Variants in NF1 observed in about 807,000 individuals in gnomAD.
NF1 encodes the protein neurofibromin.
In NF1, 122 loss-of-function variants were observed where a neutral mutation model predicts 325.7. The ratio of observed to expected loss-of-function variants is 0.37; its 90% CI spans 0.32 to 0.44. The LOEUF (loss-of-function observed/expected upper bound fraction) is 0.44. Among genes scored for constraint, NF1 ranks in the 20% least tolerant of loss-of-function variants. NF1 has a pLI of 1.00. For synonymous variants in NF1, 1,091 were observed against 1,186.0 expected (o/e 0.92, Z 1.65); for missense variants, 2,140 against 3,415.4 (o/e 0.63, Z 9.31).
chr17:31,343,059 C>A lies in NF1; in HGVS notation c.7113C>A (p.Cys2371Ter), dbSNP rs2069867490. ...TCCGGAATCCTCTGGAGTGGCACTG[C>A]AAGCAAATGGATCATTTTGTTGGAC... ...MAIRNPLEWH[C>*]KQMDHFVGLN... Residue 2371 changes from cysteine (C) to a stop codon, truncating the protein, a stop_gained, in exon 48 of 58, where the codon TGC (cysteine) becomes TGA (stop). Coordinates refer to ENST00000358273, the MANE Select transcript of NF1 (RefSeq NM_001042492.3). LOFTEE classifies it high-confidence loss of function. The A allele has an allele frequency of 6.2e-7, 1 of 1,614,028 alleles. No homozygotes were observed. Among genetic ancestry groups the A allele is most frequent in the Non-Finnish European group, 8.5e-7 (1 of 1,179,938 alleles).
At position 31,260,477 on chromosome 17, in the gene NF1, C is replaced by T; in HGVS notation, c.4539C>T (p.Asn1513=). 1 of 1,613,988 alleles carries T rather than the reference C, an allele frequency of 6.2e-7. No individual in the cohort carries two copies. Among genetic ancestry groups the T allele is most frequent in the South Asian group, 1.1e-5 (1 of 91,088 alleles). The change falls in exon 34 of 58, where the codon AAC becomes AAT. Residue 1513 remains asparagine (N), a synonymous_variant. Coordinates refer to ENST00000358273, the MANE Select transcript of NF1 (RefSeq NM_001042492.3). The part of the protein sequence containing the change: ...NVLALHRLLW[N]NQEKIGQYLS... ...TTGCTTTACATCGTCTACTCTGGAA[C>T]AATCAGGAGAAAATTGGGCAGTATC...
At chr17:31,270,181 A>G (rs1055496071) in intron 36 of NF1, among the ~76,000 whole-genome samples, 1 of 152,234 alleles carries the variant, frequency 6.6e-6, no homozygotes, top group East Asian at 1.9e-4. Context: ...ATACATATTA[A>G]CTGTTCACAT....
At chr17:31,137,415 AT>A (rs928919385) in intron 1 of NF1, 9 of 151,866 alleles carry the variant, frequency 5.9e-5, no homozygotes, top group Admixed American at 2.0e-4. Context: ...ATTTAGCCTC[AT>A]TTTTTTCATT....
At chr17:31,338,856 A>G (rs2069748934) in intron 46 of NF1, 51 bp downstream of exon 46, 2 of 1,141,556 alleles carry the variant, frequency 1.8e-6, no homozygotes, top group Non-Finnish European at 2.7e-6. Flanking sequence ...TCAGTGTTGA[A>G]TGTTACTTTC....
intron 5 of NF1, among the ~76,000 whole-genome samples, chr17:31,177,580 A>G (rs2953002): frequency 0.57 from 86,467 of 151,576 alleles, 27,031 homozygotes; most frequent in Middle Eastern, 0.77. Context: ...CCAAGCTAAA[A>G]GAGCATGTTC....
At chr17:31,186,462 G>T (rs759301600) in intron 8 of NF1, among the ~76,000 whole-genome samples, 2 of 152,172 alleles carry the variant, frequency 1.3e-5, no homozygotes, top group South Asian at 2.1e-4. Context: ...TGTACTTTGC[G>T]TGGAAGGAGA....
chr17:31,159,153 T>C (rs2065719806), intron 3 of NF1, 60 bp downstream of exon 3: 2 of 1,151,648 alleles, frequency 1.7e-6, no homozygotes, highest in Admixed American at 1.7e-5. Flanking sequence ...AATGATCTTA[T>C]GTCCCAAAGT....
intron 14 of NF1, 99 bp downstream of exon 14, chr17:31,219,217 A>T: frequency 7.9e-7 from 1 of 1,260,236 alleles, no homozygotes; most frequent in Non-Finnish European, 1.1e-6. Context: ...TAACAGGTAG[A>T]TGTCATTTCT....
chr17:31,337,695 T>A, intron 43 of NF1, 113 bp downstream of exon 43: 1 of 1,398,066 alleles, frequency 7.2e-7, no homozygotes, highest in Non-Finnish European at 1.0e-6. Context: ...AATGCTTAAA[T>A]AAAAACACTT....
intron 36 of NF1, among the ~76,000 whole-genome samples, chr17:31,297,818 T>G (rs566764781): frequency 3.0e-4 from 46 of 152,284 alleles, no homozygotes; most frequent in African/African-American, 9.4e-4. Flanking sequence ...CGTCTTCCCT[T>G]TTAGGATGTA....
chr17:31,206,581 TTAGA>T (rs1172259355), intron 12 of NF1, among the ~76,000 whole-genome samples: 10 of 152,198 alleles, frequency 6.6e-5, no homozygotes, highest in African/African-American at 2.4e-4. Context: ...TTAACTTTTC[TTAGA>T]TAAATTTTCT....
chr17:31,282,530 C>T (rs2068141365), intron 36 of NF1, among the ~76,000 whole-genome samples: 1 of 152,108 alleles, frequency 6.6e-6, no homozygotes, highest in South Asian at 2.1e-4. Context: ...CCCCCCTCAG[C>T]CCCTGGCAAC....
intron 13 of NF1, among the ~76,000 whole-genome samples, chr17:31,216,923 A>G (rs1286181153): frequency 6.6e-6 from 1 of 152,034 alleles, no homozygotes; most frequent in Non-Finnish European, 1.5e-5. Flanking sequence ...ATTCTAAGCT[A>G]TTGTCACTGC....
chr17:31,198,541 T>C (rs1310571352), intron 8 of NF1, among the ~76,000 whole-genome samples: 1 of 152,186 alleles, frequency 6.6e-6, no homozygotes, highest in African/African-American at 2.4e-5. Flanking sequence ...ATTGTTGGCA[T>C]ACAGTTTTAC....
intron 36 of NF1, chr17:31,304,531 A>AT (rs1438010450): frequency 1.2e-6 from 2 of 1,614,072 alleles, no homozygotes; most frequent in African/African-American, 2.7e-5. Context: ...TACAATTGTC[A>AT]TTGTGGGTTT....
intron 8 of NF1, among the ~76,000 whole-genome samples, chr17:31,193,038 T>C (rs2905803): frequency 0.54 from 82,715 of 152,028 alleles, 26,035 homozygotes; most frequent in Middle Eastern, 0.76. Flanking sequence ...CTGCAAAGGG[T>C]TAAATGTATA....
intron 1 of NF1, among the ~76,000 whole-genome samples, chr17:31,121,131 C>G (rs1267636877): frequency 6.6e-6 from 1 of 152,114 alleles, no homozygotes; most frequent in Non-Finnish European, 1.5e-5. Context: ...CAGGCTGCAC[C>G]TAACAGCCTA....
At chr17:31,305,404 T>G (rs144434599) in intron 36 of NF1, 28 of 1,614,070 alleles carry the variant, frequency 1.7e-5, no homozygotes, top group African/African-American at 2.7e-5. Flanking sequence ...TGATATTGAT[T>G]GTCCAGAAAA....
At chr17:31,293,359 C>T (rs926630930) in intron 36 of NF1, among the ~76,000 whole-genome samples, 2 of 151,696 alleles carry the variant, frequency 1.3e-5, no homozygotes, top group African/African-American at 2.4e-5. Context: ...AGATAGCTTC[C>T]GTATATAGAG....
Sources: gnomAD v4.1 joint callset for allele counts (sites outside exome capture counted in the v4.1 genomes callset) on GRCh38, gnomAD v4.1.1 for gene constraint, MANE v1.5 for transcripts, NCBI Gene and HGNC (gene_info 2026-07-23, HGNC 2026-07-21) for gene names.